RIC1: variants seen among roughly 807,000 people sequenced by gnomAD.
The protein encoded by RIC1 is guanine nucleotide exchange factor subunit RIC1.
A neutral mutation model predicts 169.0 loss-of-function variants in RIC1; 88 were observed. The observed-to-expected ratio is 0.52, with a 90% CI of 0.44 to 0.62. The LOEUF (loss-of-function observed/expected upper bound fraction) is 0.62, where lower values mean the gene tolerates loss of function less well. RIC1 is among the 20% of genes least tolerant of loss of function. The pLI is 0.00. For missense variants in RIC1, 1,877 were observed against 1,725.5 expected (o/e 1.09, Z -1.56); for synonymous variants, 790 against 601.5 (o/e 1.31, Z -4.59).
intron 12 of RIC1, chr9:5,748,780 C>T (rs1350658647): frequency 6.6e-6 from 1 of 152,552 alleles, no homozygotes; most frequent in Non-Finnish European, 1.5e-5. Context: ...AGCTCAAAAA[C>T]TCAGTGATTC....
At chr9:5,655,946 T>C (rs760238382) in intron 1 of RIC1, among the ~76,000 whole-genome samples, 1 of 152,106 alleles carries the variant, frequency 6.6e-6, no homozygotes. Flanking sequence ...CTCGGCTCAC[T>C]GCAAGCTCTG....
chr9:5,777,656 TTTGAG>T (rs1420989762), downstream of RIC1, among the ~76,000 whole-genome samples: 1 of 152,138 alleles, frequency 6.6e-6, no homozygotes, highest in Non-Finnish European at 1.5e-5. Flanking sequence ...TTTGATCCAT[TTTGAG>T]TTAATTTTCA....
rs1171999345 is a variant in RIC1 at position 5,667,504 on chromosome 9, C to CTT, written c.252+10831_252+10832dup. Reference sequence around the variant, plus strand: ...ATTTGAAATGTCCCTCCACCGCCACCTTTTTTTTTTTTTTTTTTGAGACAG... The same window carrying CTT: ...ATTTGAAATGTCCCTCCACCGCCACCTTTTTTTTTTTTTTTTTTTTGAGACAG... On this transcript the variant is annotated intron_variant, in intron 2 of 25. Transcript: ENST00000414202. 1.6e-3 allele frequency among the ~76,000 whole-genome samples: 205 copies of CTT among 131,188 alleles called. 6 individuals carry two copies. The highest frequency in any genetic ancestry group is 5.4e-3 in the African/African-American group (188 of 35,090). 86.1% of individuals were successfully genotyped at this position (131,188 alleles called of 152,430 possible).
intron 6 of RIC1, among the ~76,000 whole-genome samples, chr9:5,724,143 C>T (rs1441794898): frequency 6.6e-6 from 1 of 152,094 alleles, no homozygotes. Flanking sequence ...TATAAATGAC[C>T]TTGGGCAGTA....
At chr9:5,681,831 A>G (rs1820861350) in intron 2 of RIC1, among the ~76,000 whole-genome samples, 2 of 152,146 alleles carry the variant, frequency 1.3e-5, no homozygotes, top group South Asian at 2.1e-4. Flanking sequence ...GTGCTCCTGT[A>G]TTGCGTGCTC....
At chr9:5,727,831 A>G (rs1213591523) in intron 6 of RIC1, among the ~76,000 whole-genome samples, 4 of 152,210 alleles carry the variant, frequency 2.6e-5, no homozygotes, top group African/African-American at 9.7e-5. Flanking sequence ...TTGCCTGGGT[A>G]TCACTAGCGG....
At chr9:5,651,576 T>A (rs936242855) in intron 1 of RIC1, among the ~76,000 whole-genome samples, 5 of 149,290 alleles carry the variant, frequency 3.3e-5, no homozygotes, top group Admixed American at 2.0e-4. Context: ...TTTTTTTTTT[T>A]TTTTATTGAG....
At chr9:5,777,717 T>C (rs1171206577), downstream of RIC1, among the ~76,000 whole-genome samples, 3 of 152,204 alleles carry the variant, frequency 2.0e-5, no homozygotes, top group African/African-American at 7.2e-5. Flanking sequence ...CTAACGTGGC[T>C]ATTCAATTGT....
Position 5,713,876 on chromosome 9 carries a change from C to T in RIC1, c.333-20C>T, listed in dbSNP as rs1587000168. 4.5e-6 allele frequency: 7 copies of T among 1,555,646 alleles called. No individual in the cohort carries two copies. The highest frequency in any genetic ancestry group is 6.2e-6 in the Non-Finnish European group (7 of 1,127,556). On this transcript the variant is annotated intron_variant, in intron 3 of 25. Coordinates refer to ENST00000414202, the MANE Select transcript of RIC1 (RefSeq NM_020829.4). Reference sequence around the variant, plus strand: ...AGGCAAATTCAGCATCTTTCTTTAACTCTATGCTGTTTGTTTTAGAGGAAG... The same window carrying T: ...AGGCAAATTCAGCATCTTTCTTTAATTCTATGCTGTTTGTTTTAGAGGAAG...
chr9:5,695,521 C>G (rs1038513196), intron 3 of RIC1, among the ~76,000 whole-genome samples: 1 of 151,174 alleles, frequency 6.6e-6, no homozygotes, highest in Non-Finnish European at 1.5e-5. Context: ...TTCCCAATGA[C>G]ACTAGTTCAG....
intron 19 of RIC1, among the ~76,000 whole-genome samples, chr9:5,764,787 A>G (rs1420103622): frequency 2.6e-5 from 4 of 152,244 alleles, no homozygotes; most frequent in Non-Finnish European, 5.9e-5. Context: ...ACTTCACTGT[A>G]TCTCCCTGAC....
chr9:5,686,571 G>T (rs1293541792), intron 2 of RIC1, among the ~76,000 whole-genome samples: 5 of 140,740 alleles, frequency 3.6e-5, no homozygotes, highest in Admixed American at 1.6e-4. Context: ...GGTGGGAATT[G>T]AACAATGAGA....
intron 6 of RIC1, among the ~76,000 whole-genome samples, chr9:5,728,877 C>G (rs955986781): frequency 5.3e-5 from 8 of 152,156 alleles, no homozygotes; most frequent in African/African-American, 1.9e-4. Flanking sequence ...TGACAGAGAC[C>G]TAAAATTAAA....
chr9:5,629,166 C>T lies in RIC1; in HGVS notation c.-144C>T, dbSNP rs1002834169. 8 of 775,294 alleles carry T rather than the reference C, an allele frequency of 1.0e-5. No individual in the cohort carries two copies. The highest frequency in any genetic ancestry group is 1.4e-5 in the Non-Finnish European group (8 of 569,674). 48.0% of individuals were successfully genotyped at this position (775,294 alleles called of 1,614,324 possible). The stretch of plus-strand genomic sequence containing the variant: ...CGCGCAGCCTTGCGTCGGCCCGGCC[C>T]GGCCAGGCCAGCGGGCAGATGCCCC... On this transcript the variant is annotated 5_prime_UTR_variant, in exon 1 of 26. Transcript: ENST00000414202.
At chr9:5,753,379 A>G (rs1825831074) in intron 13 of RIC1, 141 bp downstream of exon 13, 7 of 851,422 alleles carry the variant, frequency 8.2e-6, no homozygotes, top group South Asian at 6.3e-5. Flanking sequence ...ATTAACATCT[A>G]TAATTTTGTC....
chr9:5,693,272 T>G (rs190200572), intron 3 of RIC1, among the ~76,000 whole-genome samples: 74 of 152,234 alleles, frequency 4.9e-4, no homozygotes, highest in Non-Finnish European at 1.0e-4. Context: ...TTTTCTAGAG[T>G]ATCTTAACTT....
intron 3 of RIC1, among the ~76,000 whole-genome samples, chr9:5,708,200 T>C (rs1472886857): frequency 1.3e-5 from 2 of 152,206 alleles, no homozygotes; most frequent in East Asian, 3.8e-4. Flanking sequence ...TCTCCCTTTT[T>C]ATGTTGTTGT....
chr9:5,685,311 A>C (rs1821149754), intron 2 of RIC1, among the ~76,000 whole-genome samples: 1 of 151,368 alleles, frequency 6.6e-6, no homozygotes, highest in Admixed American at 6.6e-5. Context: ...AAGAGCCCGC[A>C]TCGCCAAGTC....
chr9:5,747,589 A>C lies in RIC1; in HGVS notation c.1452+84A>C. 5.1e-6 allele frequency: 6 copies of C among 1,170,132 alleles called. No homozygotes were observed. The Admixed American group carries it at 1.1e-4, about 22-fold the overall frequency. The allele number at this position is 1,170,132 out of a possible 1,614,324, so 72.5% of individuals were successfully genotyped here. A position where few individuals can be genotyped will look rare whatever the true frequency, so the allele number is the denominator to read the frequency against. On this transcript the variant is annotated intron_variant, in intron 12 of 25. Transcript: ENST00000414202. ...CAGATTATTAAATATTTCATCTGTT[A>C]ACTTCAGGCAACTGAGAATCCTTTT... is the stretch of plus-strand genomic sequence containing the variant.
Sources: allele counts gnomAD v4.1 joint callset (sites outside exome capture counted in the v4.1 genomes callset), GRCh38; gene constraint gnomAD v4.1.1; transcripts MANE v1.5; gene names NCBI Gene and HGNC (gene_info 2026-07-23, HGNC 2026-07-21).